The following MBNL2 variants were observed in gnomAD, a reference collection of about 807,000 sequenced individuals.
The protein encoded by MBNL2 is muscleblind like splicing regulator 2.
In MBNL2, 17 loss-of-function variants were observed where a neutral mutation model predicts 41.9. The observed-to-expected ratio is 0.41, with a 90% confidence interval of 0.28 to 0.61. MBNL2 has a LOEUF of 0.61. MBNL2 is among the 20% of genes least tolerant of loss of function. The pLI is 0.35. For synonymous variants in MBNL2, 195 were observed against 182.9 expected (o/e 1.07, Z -0.53); for missense variants, 336 against 505.6 (o/e 0.66, Z 3.22).
the MBNL2 span, among the ~76,000 whole-genome samples, chr13:97,150,908 T>C: frequency 6.6e-6 from 1 of 152,358 alleles, no homozygotes; most frequent in South Asian, 2.1e-4. Context: ...TCAGGACTTT[T>C]GGCCTGCCCC....
rs544297523 is a variant in MBNL2 at position 97,226,563 on chromosome 13, A to G, written c.-605+4032A>G. Among the ~76,000 whole-genome samples, 66 of 152,298 alleles carry G rather than the reference A, an allele frequency of 4.3e-4. 1 individual carries two copies. The highest frequency in any genetic ancestry group is 8.1e-4 in the Non-Finnish European group (55 of 68,030). On this transcript the variant is annotated intron_variant, in intron 1 of 8. Transcript: ENST00000679496. ...TGAATAACTTTATTGGCTAATATTA[A>G]TTTAGCATTGTTAACCATCAGATTA...
intron 8 of MBNL2, among the ~76,000 whole-genome samples, chr13:97,382,672 A>ATTT (rs72001733): frequency 8.0e-6 from 1 of 125,634 alleles, no homozygotes; most frequent in Admixed American, 8.1e-5. Flanking sequence ...TCTGCCAACT[A>ATTT]TTTTTTTTTT....
intron 1 of MBNL2, among the ~76,000 whole-genome samples, chr13:97,270,536 C>G (rs1421580015): frequency 2.0e-5 from 3 of 151,984 alleles, no homozygotes; most frequent in Admixed American, 1.3e-4. Context: ...AAAAAGTTTT[C>G]CAATGACTGA....
At chr13:97,289,764 A>G (rs770999523) in intron 2 of MBNL2, among the ~76,000 whole-genome samples, 13 of 152,218 alleles carry the variant, frequency 8.5e-5, no homozygotes, top group Non-Finnish European at 1.3e-4. Context: ...ACACAGTGGT[A>G]AAGTAAATTA....
intron 1 of MBNL2, among the ~76,000 whole-genome samples, chr13:97,262,009 GA>G (rs1250809022): frequency 1.3e-5 from 2 of 152,180 alleles, no homozygotes; most frequent in Non-Finnish European, 1.5e-5. Context: ...TAAAATGAAA[GA>G]AACGTGGGAA....
chr13:97,272,849 T>G (rs1028937190), intron 1 of MBNL2, among the ~76,000 whole-genome samples: 1 of 152,258 alleles, frequency 6.6e-6, no homozygotes, highest in Admixed American at 6.5e-5. Context: ...TACTTAATTT[T>G]AAGCAAGTGT....
chr13:97,230,357 G>A (rs114594756), intron 1 of MBNL2, among the ~76,000 whole-genome samples: 1,985 of 152,304 alleles, frequency 0.013, 48 homozygotes, highest in African/African-American at 0.045. Flanking sequence ...TTGAAGGAGG[G>A]TGGGCGATGA....
chr13:97,269,352 C>T (rs569958396), intron 1 of MBNL2, among the ~76,000 whole-genome samples: 2 of 152,158 alleles, frequency 1.3e-5, no homozygotes, highest in Non-Finnish European at 2.9e-5. Flanking sequence ...TATAATGGGG[C>T]AATGCCGTTA....
At chr13:97,368,744 G>A (rs1299611941) in intron 8 of MBNL2, among the ~76,000 whole-genome samples, 1 of 151,504 alleles carries the variant, frequency 6.6e-6, no homozygotes, top group African/African-American at 2.4e-5. Flanking sequence ...CTGTGTATGT[G>A]TGTGTGTAGG....
upstream of MBNL2, among the ~76,000 whole-genome samples, chr13:97,218,261 T>G (rs1365024151): frequency 6.6e-6 from 1 of 151,744 alleles, no homozygotes; most frequent in Non-Finnish European, 1.5e-5. Flanking sequence ...ATATAAAAAA[T>G]TAGCTGGGCG....
In MBNL2 at chr13:97,346,708, G is replaced by A; in HGVS notation, c.541-96G>A. The A allele has an allele frequency of 7.3e-6, 7 of 952,422 alleles. No homozygotes were observed. Among genetic ancestry groups the A allele is most frequent in the Non-Finnish European group, 1.1e-5 (7 of 633,068 alleles). The allele number at this position is 952,422 out of a possible 1,614,324, so 59.0% of individuals were successfully genotyped here. A position where few individuals can be genotyped will look rare whatever the true frequency, so the allele number is the denominator to read the frequency against. ...AGTGGTACATGAGCCACCATTGAAA[G>A]CGAGGCAGCCTCCGCTCCTCCCGCG... On this transcript the variant is annotated intron_variant, in intron 4 of 8. Coordinates refer to ENST00000679496, the MANE Select transcript of MBNL2 (RefSeq NM_001382683.1). This position sits in a 1 kb window ranked among gnomAD's most constrained non-coding sequence, Gnocchi z 4.2.
At chr13:97,267,500 T>C (rs368959827) in intron 1 of MBNL2, among the ~76,000 whole-genome samples, 6 of 152,310 alleles carry the variant, frequency 3.9e-5, no homozygotes, top group African/African-American at 1.4e-4. Context: ...AGTCAAGCAG[T>C]GAACCTGGAT....
chr13:97,142,176 A>C, the MBNL2 span, among the ~76,000 whole-genome samples: 1 of 152,206 alleles, frequency 6.6e-6, no homozygotes, highest in Non-Finnish European at 1.5e-5. Context: ...ATTGATGCTT[A>C]TTATAACTGT....
At chr13:97,188,617 C>T in the MBNL2 span, among the ~76,000 whole-genome samples, 1 of 149,340 alleles carries the variant, frequency 6.7e-6, no homozygotes, top group Admixed American at 6.7e-5. Flanking sequence ...AGAACACTAA[C>T]ACACGTGAAA....
At chr13:97,330,928 C>T (rs1204641130) in intron 2 of MBNL2, among the ~76,000 whole-genome samples, 1 of 152,112 alleles carries the variant, frequency 6.6e-6, no homozygotes, top group East Asian at 1.9e-4. Context: ...AATATTAATA[C>T]TAGATTGTAC....
chr13:97,208,141 T>C, the MBNL2 span, among the ~76,000 whole-genome samples: 1 of 152,238 alleles, frequency 6.6e-6, no homozygotes, highest in Non-Finnish European at 1.5e-5. Flanking sequence ...AAAATTAAAC[T>C]TTTGTTTCTT....
chr13:97,349,032 C>T (rs752097314), intron 5 of MBNL2, among the ~76,000 whole-genome samples: 32 of 152,184 alleles, frequency 2.1e-4, no homozygotes, highest in Non-Finnish European at 4.0e-4. Flanking sequence ...GCACTGGCCT[C>T]GTCATCTAAA....
the MBNL2 span, among the ~76,000 whole-genome samples, chr13:97,160,669 C>G: frequency 2.0e-5 from 3 of 152,178 alleles, no homozygotes; most frequent in African/African-American, 7.2e-5. Flanking sequence ...CTGAGCTAAT[C>G]CATATTTATT....
chr13:97,170,369 T>C, the MBNL2 span, among the ~76,000 whole-genome samples: 2 of 152,236 alleles, frequency 1.3e-5, no homozygotes, highest in Non-Finnish European at 2.9e-5. Flanking sequence ...CCCATACTTG[T>C]AACTGCCCAA....
Sources: gnomAD v4.1 joint callset for allele counts (sites outside exome capture counted in the v4.1 genomes callset) on GRCh38, gnomAD v4.1.1 for gene constraint, Gnocchi (gnomAD v3.1) non-coding constraint, MANE v1.5 for transcripts, NCBI Gene and HGNC (gene_info 2026-07-23, HGNC 2026-07-21) for gene names.